Variants in TRIO observed in about 807,000 individuals in gnomAD.
TRIO encodes the protein triple functional domain protein.
In TRIO, 58 loss-of-function variants were observed where a neutral mutation model predicts 351.9. That is an observed-to-expected ratio of 0.16 (90% CI 0.13 to 0.21). The LOEUF is 0.21. Ranked by LOEUF, TRIO falls within the 10% of genes least tolerant of loss-of-function variation. TRIO has a pLI of 1.00. For synonymous variants in TRIO, 1,758 were observed against 1,595.7 expected (o/e 1.10, Z -2.42); for missense variants, 3,201 against 4,027.8 (o/e 0.79, Z 5.56).
chr5:14,175,440 A>AT (rs1316558804), intron 1 of TRIO, among the ~76,000 whole-genome samples: 1 of 152,022 alleles, frequency 6.6e-6, no homozygotes, highest in Non-Finnish European at 1.5e-5. Flanking sequence ...AATAGATTCC[A>AT]TTTTTTGTTT....
chr5:14,271,275 G>A (rs1284091364), intron 2 of TRIO, among the ~76,000 whole-genome samples: 1 of 152,154 alleles, frequency 6.6e-6, no homozygotes, highest in Non-Finnish European at 1.5e-5. Context: ...TTTGTTTCTC[G>A]TACTCTGTAC....
In TRIO at chr5:14,480,146, A is replaced by T. The variant is rs9686832; in HGVS notation, c.6336+135A>T. On this transcript the variant is annotated intron_variant, in intron 43 of 56. Coordinates refer to ENST00000344204, the MANE Select transcript of TRIO (RefSeq NM_007118.4). ...AGGTATATTATTTCTGATAAGTTAA[A>T]CCTTAAAAATTTAAATCAGCTGTTA... 1.2e-3 allele frequency: 924 copies of T among 794,184 alleles called. 14 individuals are homozygous for T. In the African/African-American group the frequency reaches 0.015, roughly 13 times the overall value. The allele number at this position is 794,184 out of a possible 1,614,324, so 49.2% of individuals were successfully genotyped here.
chr5:14,476,586 G>A (rs575384154), intron 40 of TRIO, among the ~76,000 whole-genome samples: 1 of 152,310 alleles, frequency 6.6e-6, no homozygotes, highest in South Asian at 2.1e-4. Flanking sequence ...GAGGTCAGGA[G>A]TTTGAGACCA....
At chr5:14,230,354 G>T (rs968884971) in intron 1 of TRIO, among the ~76,000 whole-genome samples, 1 of 74,940 alleles carries the variant, frequency 1.3e-5, no homozygotes, top group Non-Finnish European at 3.1e-5. Flanking sequence ...GTGTGTGTGT[G>T]TGTGTGTGTG....
chr5:14,164,563 C>A (rs559157287), intron 1 of TRIO, among the ~76,000 whole-genome samples: 52 of 152,308 alleles, frequency 3.4e-4, no homozygotes, highest in Non-Finnish European at 4.4e-4. Context: ...TGTTGTGCCA[C>A]GCTCAGGATC....
At chr5:14,498,728 C>G (rs752876234) in intron 53 of TRIO, 88 bp downstream of exon 53, 6 of 1,555,828 alleles carry the variant, frequency 3.9e-6, no homozygotes, top group Admixed American at 3.6e-5. Flanking sequence ...CCCTTACACT[C>G]CAAGTGGCCT....
Position 14,403,795 on chromosome 5 carries a change from TGTG to T in TRIO, c.4717-2046_4717-2044del, listed in dbSNP as rs1396179807. The stretch of plus-strand genomic sequence containing the variant: ...TGTAGGTTGTGGTGAGGGTGTAGGT[TGTG>T]GTGGTGAGGGTGCAGGTTGTGAGGG... On this transcript the variant is annotated intron_variant, in intron 31 of 56. Coordinates refer to ENST00000344204, the MANE Select transcript of TRIO (RefSeq NM_007118.4). Among the ~76,000 whole-genome samples the T allele has an allele frequency of 2.6e-3, 56 of 21,836 alleles. 1 individual carries two copies. The highest frequency in any genetic ancestry group is 3.4e-3 in the Non-Finnish European group (41 of 11,936). The allele number at this position is 21,836 out of a possible 152,430, so 14.3% of individuals were successfully genotyped here.
intron 1 of TRIO, among the ~76,000 whole-genome samples, chr5:14,264,137 C>T (rs779295980): frequency 6.6e-6 from 1 of 152,148 alleles, no homozygotes; most frequent in Non-Finnish European, 1.5e-5. Flanking sequence ...AAGAGTTCTA[C>T]AGATTGCTTC....
At position 14,143,761 on chromosome 5, in the gene TRIO, C is replaced by G. The variant is rs1787318246; in HGVS notation, c.36C>G (p.Ala12=). 1 of 996,176 alleles carries G rather than the reference C, an allele frequency of 1.0e-6. No individual in the cohort carries two copies. Among genetic ancestry groups the G allele is most frequent in the Non-Finnish European group, 1.2e-6 (1 of 838,802 alleles). The allele number at this position is 996,176 out of a possible 1,614,324, so 61.7% of individuals were successfully genotyped here. ...SGSSGGAAAP[A]ASSGPAAAAS... ...GCAGCGGCGGAGCCGCCGCCCCCGC[C>G]GCGTCCTCCGGCCCCGCCGCGGCGG... is the stretch of plus-strand genomic sequence containing the variant. Residue 12 remains alanine, a synonymous_variant, in exon 1 of 57, where the codon GCC becomes GCG. Transcript: ENST00000344204.
intron 38 of TRIO, 64 bp downstream of exon 38, chr5:14,471,530 A>T: frequency 6.3e-7 from 1 of 1,592,674 alleles, no homozygotes; most frequent in South Asian, 1.1e-5. Flanking sequence ...GTTGCCTTCA[A>T]AAATGTGACT....
At chr5:14,324,293 A>G (rs1442603552) in intron 9 of TRIO, among the ~76,000 whole-genome samples, 5 of 152,254 alleles carry the variant, frequency 3.3e-5, no homozygotes, top group African/African-American at 1.2e-4. Context: ...TATTCTTTAA[A>G]TGGATTATAG....
chr5:14,425,081 G>A (rs1424481589), intron 34 of TRIO, among the ~76,000 whole-genome samples: 1 of 152,136 alleles, frequency 6.6e-6, no homozygotes, highest in Non-Finnish European at 1.5e-5. Context: ...ATAACAAAAT[G>A]TATCATCTTA....
intron 1 of TRIO, among the ~76,000 whole-genome samples, chr5:14,258,636 G>A (rs56164834): frequency 0.11 from 16,767 of 152,080 alleles, 1,201 homozygotes; most frequent in African/African-American, 0.2. Context: ...CTAAAGATAT[G>A]AAACTGCGGA....
chr5:14,469,205 A>AT (rs1754495924), intron 37 of TRIO, among the ~76,000 whole-genome samples: 1 of 152,228 alleles, frequency 6.6e-6, no homozygotes, highest in Non-Finnish European at 1.5e-5. Context: ...AAAAGCAGAA[A>AT]TTAATGAGCT....
At chr5:14,330,936 T>C in intron 10 of TRIO, 36 bp downstream of exon 10, 1 of 1,610,576 alleles carries the variant, frequency 6.2e-7, no homozygotes, top group East Asian at 2.2e-5. Context: ...ATCCCATAAA[T>C]ACCCGTGTGG....
intron 1 of TRIO, among the ~76,000 whole-genome samples, chr5:14,232,481 T>C (rs1793501463): frequency 6.6e-6 from 1 of 152,222 alleles, no homozygotes; most frequent in African/African-American, 2.4e-5. Flanking sequence ...TTTATGGTGT[T>C]TGTTGCTCTG....
chr5:14,348,469 T>C (rs1019572047), intron 11 of TRIO, among the ~76,000 whole-genome samples: 5 of 152,268 alleles, frequency 3.3e-5, no homozygotes, highest in African/African-American at 1.2e-4. Context: ...CTTTCCATTT[T>C]CCTGCTTGTG....
intron 1 of TRIO, among the ~76,000 whole-genome samples, chr5:14,224,891 G>T (rs1311723646): frequency 6.6e-6 from 1 of 152,064 alleles, no homozygotes; most frequent in Non-Finnish European, 1.5e-5. Context: ...TGTTAAATAC[G>T]CAATAGGTGT....
intron 1 of TRIO, among the ~76,000 whole-genome samples, chr5:14,178,492 A>C (rs1789540064): frequency 6.6e-6 from 1 of 152,184 alleles, no homozygotes; most frequent in Non-Finnish European, 1.5e-5. Context: ...TGATATCTTC[A>C]CATTTCTTGA....
Sources: allele counts gnomAD v4.1 joint callset (sites outside exome capture counted in the v4.1 genomes callset), GRCh38; gene constraint gnomAD v4.1.1; transcripts MANE v1.5; gene names NCBI Gene and HGNC (gene_info 2026-07-23, HGNC 2026-07-21).